FRY: variants seen among roughly 807,000 people sequenced by gnomAD.
The protein encoded by FRY is protein furry homolog.
Under a neutral mutation model 348.4 loss-of-function variants are expected in FRY, and 128 were observed. The observed-to-expected ratio is 0.37, with a 90% confidence interval of 0.32 to 0.43. The LOEUF (loss-of-function observed/expected upper bound fraction) is 0.43, where lower values mean the gene tolerates loss of function less well. FRY is among the 20% of genes least tolerant of loss of function. FRY has a pLI of 1.00. For missense variants in FRY, 2,736 were observed against 3,695.2 expected (o/e 0.74, Z 6.73); for synonymous variants, 1,370 against 1,374.7 (o/e 1.00, Z 0.08).
intron 7 of FRY, among the ~76,000 whole-genome samples, chr13:32,131,036 G>A (rs908568141): frequency 6.6e-6 from 1 of 152,032 alleles, no homozygotes; most frequent in African/African-American, 2.4e-5. Context: ...GGCTGGTCTC[G>A]AACTCCTGAC....
chr13:32,191,835 C>T (rs1246866188), intron 28 of FRY, among the ~76,000 whole-genome samples: 2 of 152,088 alleles, frequency 1.3e-5, no homozygotes, highest in Non-Finnish European at 2.9e-5. Flanking sequence ...TCCTAAAGGC[C>T]CCACCTCCAA....
intron 11 of FRY, among the ~76,000 whole-genome samples, chr13:32,144,575 T>A (rs937012668): frequency 6.6e-6 from 1 of 152,068 alleles, no homozygotes; most frequent in Non-Finnish European, 1.5e-5. Flanking sequence ...TTATCCCAGA[T>A]CATTTCTAAA....
In FRY at chr13:32,227,916, T is replaced by C. The variant is rs570613605; in HGVS notation, c.5207-540T>C. On this transcript the variant is annotated intron_variant, in intron 39 of 60. Coordinates refer to ENST00000542859, the MANE Select transcript of FRY (RefSeq NM_023037.3). ...ACAGGTGCCGACCACCACGCTCGGC[T>C]AATTTTTGTATTTTTGGTAGAGACA... Among the ~76,000 whole-genome samples, 5 of 152,258 alleles carry C rather than the reference T, an allele frequency of 3.3e-5. No individual in the cohort carries two copies. In the South Asian group the frequency reaches 1.0e-3, roughly 32 times the overall value.
intron 14 of FRY, among the ~76,000 whole-genome samples, chr13:32,152,763 A>G (rs1013691108): frequency 6.6e-6 from 1 of 152,180 alleles, no homozygotes; most frequent in African/African-American, 2.4e-5. Flanking sequence ...AAAAAAGTTG[A>G]TAAATTGAAC....
intron 2 of FRY, among the ~76,000 whole-genome samples, chr13:32,083,297 G>C (rs407004): frequency 0.49 from 74,422 of 151,906 alleles, 20,011 homozygotes; most frequent in Non-Finnish European, 0.59. Flanking sequence ...CTCTTTGAAA[G>C]TCTACTTAGG....
At chr13:32,268,501 AAAAAAT>A (rs1294769514) in intron 55 of FRY, among the ~76,000 whole-genome samples, 509 of 16,748 alleles carry the variant, frequency 0.03, no homozygotes, top group African/African-American at 0.063. Flanking sequence ...AAAAAAAAAA[AAAAAAT>A]ATATATATAT....
At chr13:32,137,797 GT>G (rs1422336153) in intron 11 of FRY, among the ~76,000 whole-genome samples, 5 of 152,112 alleles carry the variant, frequency 3.3e-5, no homozygotes, top group Non-Finnish European at 2.9e-5. Context: ...AATATAGTTA[GT>G]TACAAAATTT....
At chr13:32,049,744 G>A (rs1368968563) in intron 1 of FRY, among the ~76,000 whole-genome samples, 3 of 152,206 alleles carry the variant, frequency 2.0e-5, no homozygotes, top group Non-Finnish European at 2.9e-5. Flanking sequence ...TAGCAGAGGA[G>A]TTAGATAGAA....
At chr13:32,100,315 G>A (rs539082742) in intron 2 of FRY, among the ~76,000 whole-genome samples, 14 of 151,838 alleles carry the variant, frequency 9.2e-5, no homozygotes, top group Admixed American at 3.3e-4. Flanking sequence ...TCTTGACCTC[G>A]TGTTCTGCCC....
chr13:32,108,546 A>G (rs1213420172), intron 3 of FRY, among the ~76,000 whole-genome samples: 1 of 152,196 alleles, frequency 6.6e-6, no homozygotes, highest in Non-Finnish European at 1.5e-5. Context: ...TGTATTAAAC[A>G]TTTTATTTAA....
At chr13:32,047,835 A>G (rs1262288324) in intron 1 of FRY, among the ~76,000 whole-genome samples, 1 of 152,218 alleles carries the variant, frequency 6.6e-6, no homozygotes, top group East Asian at 1.9e-4. Flanking sequence ...GGCCTCCGAA[A>G]GTACTGGGAT....
At chr13:32,279,691 G>A (rs1888719000) in intron 58 of FRY, among the ~76,000 whole-genome samples, 1 of 152,190 alleles carries the variant, frequency 6.6e-6, no homozygotes, top group Admixed American at 6.5e-5. Flanking sequence ...ACCCTCTGGA[G>A]GATCTGAAAA....
chr13:32,096,688 G>A (rs971622183), intron 2 of FRY, among the ~76,000 whole-genome samples: 2 of 150,858 alleles, frequency 1.3e-5, no homozygotes, highest in African/African-American at 4.9e-5. Flanking sequence ...CTACTCCAGA[G>A]CCTGAGGCTG....
intron 17 of FRY, among the ~76,000 whole-genome samples, chr13:32,167,523 G>A (rs703218): frequency 0.25 from 38,007 of 151,976 alleles, 4,994 homozygotes; most frequent in Middle Eastern, 0.37. Flanking sequence ...TTGGATTAGG[G>A]GCCCACAACC....
At chr13:32,070,845 G>A (rs536971482) in intron 1 of FRY, among the ~76,000 whole-genome samples, 6 of 152,222 alleles carry the variant, frequency 3.9e-5, no homozygotes, top group African/African-American at 1.2e-4. Flanking sequence ...ATGGTTTTAG[G>A]TCTAACATTT....
intron 1 of FRY, among the ~76,000 whole-genome samples, chr13:32,064,327 T>C (rs1357395049): frequency 1.3e-5 from 2 of 152,048 alleles, no homozygotes; most frequent in African/African-American, 4.8e-5. Context: ...TGACTGTCTC[T>C]ATCAACAGTT....
intron 22 of FRY, among the ~76,000 whole-genome samples, chr13:32,179,322 A>G (rs1882555331): frequency 6.6e-6 from 1 of 152,224 alleles, no homozygotes; most frequent in Admixed American, 6.5e-5. Flanking sequence ...ACAACACCAC[A>G]CTACATTTCT....
At chr13:32,065,049 G>T (rs1237370650) in intron 1 of FRY, among the ~76,000 whole-genome samples, 4 of 152,098 alleles carry the variant, frequency 2.6e-5, no homozygotes, top group African/African-American at 9.7e-5. Context: ...TACAGATGGT[G>T]TTCAATTCTT....
chr13:32,283,539 C>T (rs1228633333), intron 58 of FRY, among the ~76,000 whole-genome samples: 2 of 152,228 alleles, frequency 1.3e-5, no homozygotes, highest in African/African-American at 2.4e-5. Context: ...TATGCAAGCA[C>T]CTGTCTGCTG....
Sources: gnomAD v4.1 joint callset for allele counts (sites outside exome capture counted in the v4.1 genomes callset) on GRCh38, gnomAD v4.1.1 for gene constraint, MANE v1.5 for transcripts, NCBI Gene and HGNC (gene_info 2026-07-23, HGNC 2026-07-21) for gene names.